The following RIMS2 variants were observed in gnomAD, a reference collection of about 807,000 sequenced individuals.
RIMS2 encodes the protein regulating synaptic membrane exocytosis protein 2.
A neutral mutation model predicts 174.4 loss-of-function variants in RIMS2; 59 were observed. That is an observed-to-expected ratio of 0.34 (90% CI 0.27 to 0.42). RIMS2 has a LOEUF of 0.42. Ranked by LOEUF, RIMS2 falls within the 10% of genes least tolerant of loss-of-function variation. The pLI, the probability that RIMS2 is intolerant of heterozygous loss-of-function variation, is 1.00. For missense variants in RIMS2, 1,620 were observed against 1,666.3 expected (o/e 0.97, Z 0.48); for synonymous variants, 606 against 572.5 (o/e 1.06, Z -0.84).
At chr8:104,148,544 A>G in intron 19 of RIMS2, 63 bp from the exon 25 acceptor site, 1 of 1,426,322 alleles carries the variant, frequency 7.0e-7, no homozygotes. Context: ...TTTATCTAAA[A>G]TGCATTTTCT....
At chr8:103,822,635 G>C (rs1003107026) in intron 3 of RIMS2, among the ~76,000 whole-genome samples, 1 of 151,778 alleles carries the variant, frequency 6.6e-6, no homozygotes, top group African/African-American at 2.4e-5. Context: ...CCATTTTAGT[G>C]CATGAAGCAG....
intron 3 of RIMS2, among the ~76,000 whole-genome samples, chr8:103,809,826 C>G (rs1521057): frequency 0.16 from 23,912 of 151,978 alleles, 1,992 homozygotes; most frequent in Middle Eastern, 0.24. Flanking sequence ...TGGGTACTTG[C>G]GCATTTATAG....
At chr8:103,981,201 A>C (rs1295891227) in intron 16 of RIMS2, among the ~76,000 whole-genome samples, 1 of 152,154 alleles carries the variant, frequency 6.6e-6, no homozygotes, top group Non-Finnish European at 1.5e-5. Context: ...TGCTTGCATC[A>C]CCACAACCCC....
At chr8:103,999,496 T>C (rs1373080135) in intron 17 of RIMS2, among the ~76,000 whole-genome samples, 2 of 151,786 alleles carry the variant, frequency 1.3e-5, no homozygotes, top group East Asian at 3.8e-4. Flanking sequence ...TTGCTATATG[T>C]TGCATTCCGA....
intron 2 of RIMS2, among the ~76,000 whole-genome samples, chr8:103,718,063 C>T (rs1165148043): frequency 6.6e-6 from 1 of 152,094 alleles, no homozygotes; most frequent in Admixed American, 6.6e-5. Context: ...CTCATACTAG[C>T]AATATGATGT....
intron 1 of RIMS2, among the ~76,000 whole-genome samples, chr8:103,563,251 C>A (rs550306307): frequency 9.8e-4 from 149 of 152,302 alleles, no homozygotes; most frequent in African/African-American, 3.4e-3. Context: ...AAATTTTCCA[C>A]ACTTTTATGC....
chr8:103,530,785 G>T (rs1313323046), intron 1 of RIMS2, among the ~76,000 whole-genome samples: 1 of 151,798 alleles, frequency 6.6e-6, no homozygotes, highest in East Asian at 1.9e-4. Flanking sequence ...AGAACTGTAA[G>T]TAAAAACAAA....
intron 19 of RIMS2, among the ~76,000 whole-genome samples, chr8:104,031,361 A>G (rs1359592728): frequency 6.6e-6 from 1 of 152,110 alleles, no homozygotes; most frequent in Non-Finnish European, 1.5e-5. Flanking sequence ...ATTATTTAAC[A>G]TAAACTAAGA....
chr8:103,884,087 T>G (rs977287267), intron 3 of RIMS2, among the ~76,000 whole-genome samples: 4 of 151,840 alleles, frequency 2.6e-5, no homozygotes, highest in Non-Finnish European at 4.4e-5. Flanking sequence ...GTGAACCTAA[T>G]TGGTAGATTG....
chr8:104,028,395 T>G (rs2096304273), intron 19 of RIMS2, among the ~76,000 whole-genome samples: 1 of 152,190 alleles, frequency 6.6e-6, no homozygotes, highest in African/African-American at 2.4e-5. Flanking sequence ...AAAGATGGGA[T>G]ACATATAATG....
chr8:103,721,487 T>A (rs2097447971), intron 2 of RIMS2, among the ~76,000 whole-genome samples: 1 of 152,104 alleles, frequency 6.6e-6, no homozygotes, highest in South Asian at 2.1e-4. Flanking sequence ...TATGTTGAAG[T>A]TTTATAGAAG....
intron 2 of RIMS2, among the ~76,000 whole-genome samples, chr8:103,728,028 G>A (rs994010474): frequency 6.6e-6 from 1 of 152,034 alleles, no homozygotes; most frequent in Admixed American, 6.6e-5. Context: ...ACTTTGGTTA[G>A]TATGGACACT....
chr8:103,996,949 G>A (rs929728710), intron 17 of RIMS2, among the ~76,000 whole-genome samples: 1 of 151,718 alleles, frequency 6.6e-6, no homozygotes, highest in African/African-American at 2.4e-5. Flanking sequence ...AAAAAGGAGA[G>A]AGTATTAAAA....
chr8:104,132,582 C>G (rs994970626), intron 19 of RIMS2, among the ~76,000 whole-genome samples: 15 of 152,076 alleles, frequency 9.9e-5, no homozygotes, highest in Non-Finnish European at 2.1e-4. Flanking sequence ...ACCGGGTATA[C>G]AGAGATAAAA....
At chr8:104,215,813 A>G (rs1417038578) in intron 19 of RIMS2, among the ~76,000 whole-genome samples, 4 of 152,190 alleles carry the variant, frequency 2.6e-5, no homozygotes, top group African/African-American at 9.7e-5. Context: ...TGCCACTACC[A>G]CTGCCCTAGG....
intron 19 of RIMS2, among the ~76,000 whole-genome samples, chr8:104,065,492 C>T (rs547114700): frequency 6.6e-5 from 10 of 152,196 alleles, no homozygotes; most frequent in East Asian, 3.9e-4. Flanking sequence ...GAATCCTCTA[C>T]GCTGGATCAC....
At chr8:103,724,194 A>G (rs2097497142) in intron 2 of RIMS2, among the ~76,000 whole-genome samples, 1 of 152,090 alleles carries the variant, frequency 6.6e-6, no homozygotes, top group Non-Finnish European at 1.5e-5. Context: ...CCCAGGTGCT[A>G]TAATCTCTTA....
chr8:104,238,569 G>A (rs1011586288), intron 19 of RIMS2, among the ~76,000 whole-genome samples: 3 of 151,988 alleles, frequency 2.0e-5, no homozygotes, highest in African/African-American at 4.8e-5. Flanking sequence ...TAAATTTTAG[G>A]AATTAAAGGA....
At position 103,568,167 on chromosome 8, in the gene RIMS2, G is replaced by C. The variant is rs986209596; in HGVS notation, c.176+67105G>C. Among the ~76,000 whole-genome samples the C allele has an allele frequency of 1.3e-4, 19 of 151,712 alleles. 2 individuals are homozygous for C. The highest frequency in any genetic ancestry group is 1.1e-3 in the Admixed American group (17 of 15,232). Reference sequence around the variant, plus strand: ...CAAAAATTTAGCTGGGCTTGGTGGTGTGCCTCTGTAGTCCCAGCTACTCAG... The same window carrying C: ...CAAAAATTTAGCTGGGCTTGGTGGTCTGCCTCTGTAGTCCCAGCTACTCAG... On this transcript the variant is annotated intron_variant, in intron 1 of 23. Transcript: ENST00000504942.
Sources: gnomAD v4.1 joint callset for allele counts (sites outside exome capture counted in the v4.1 genomes callset) on GRCh38, gnomAD v4.1.1 for gene constraint, MANE v1.5 for transcripts, NCBI Gene and HGNC (gene_info 2026-07-23, HGNC 2026-07-21) for gene names.